The following LSM2 variants were observed in gnomAD, a reference collection of about 807,000 sequenced individuals.
LSM2 encodes the protein LSM2 homolog, U6 small nuclear RNA and mRNA degradation associated.
Under a neutral mutation model 17.0 loss-of-function variants are expected in LSM2, and 12 were observed. The ratio of observed to expected loss-of-function variants is 0.70; its 90% CI spans 0.45 to 1.14. The LOEUF (loss-of-function observed/expected upper bound fraction) is 1.14. Ranked by LOEUF, LSM2 falls within the 50% of genes most tolerant of loss-of-function variation. The pLI is 0.00. For missense variants in LSM2, 62 were observed against 111.8 expected, an observed-to-expected ratio of 0.55 and a Z score of 2.01; for synonymous variants, 42 against 44.5, an observed-to-expected ratio of 0.94 and a Z score of 0.22.
At chr6:31,804,218 G>A (rs1218712385) in intron 2 of LSM2, among the ~76,000 whole-genome samples, 6 of 151,910 alleles carry the variant, frequency 3.9e-5, no homozygotes, top group Non-Finnish European at 8.8e-5. Context: ...AAATTTAGCC[G>A]GGCATGGTGG....
At chr6:31,806,729 C>T (rs1345179447) in intron 1 of LSM2, 26 bp downstream of exon 1, 3 of 1,609,112 alleles carry the variant, frequency 1.9e-6, no homozygotes, top group Non-Finnish European at 2.5e-6. Flanking sequence ...CCCGAGGGCG[C>T]CCCCTTTTGA....
chr6:31,806,526 C>G (rs1815047566), intron 1 of LSM2: 1 of 668,128 alleles, frequency 1.5e-6, no homozygotes. Context: ...TTCCGTCTCC[C>G]GCTATCCTCA....
At chr6:31,801,734 T>G (rs1464781540) in intron 2 of LSM2, among the ~76,000 whole-genome samples, 1 of 152,100 alleles carries the variant, frequency 6.6e-6, no homozygotes, top group African/African-American at 2.4e-5. Flanking sequence ...AGGCAGAGGT[T>G]GCAGTGAGCC....
At chr6:31,799,944 A>C (rs918390266) in intron 2 of LSM2, among the ~76,000 whole-genome samples, 7 of 152,214 alleles carry the variant, frequency 4.6e-5, no homozygotes, top group Non-Finnish European at 1.0e-4. Flanking sequence ...CTATAATCCA[A>C]GCATTCTGGG....
intron 2 of LSM2, among the ~76,000 whole-genome samples, chr6:31,799,414 T>A (rs1814569665): frequency 6.6e-6 from 1 of 152,064 alleles, no homozygotes; most frequent in African/African-American, 2.4e-5. Flanking sequence ...TGGAGTGCAG[T>A]GGCACAATCT....
Position 31,798,521 on chromosome 6 carries a change from A to G in LSM2, c.72-14T>C, listed in dbSNP as rs767848738. On this transcript the variant is annotated splice_polypyrimidine_tract_variant and intron_variant, in intron 2 of 4. Transcript: ENST00000375661. ...GTTCCACAGATGCTGTCAAGGGCAG[A>G]GGGAGAGAAGAATCAAATTAGTTTA... is the stretch of plus-strand genomic sequence containing the variant. 1 of 1,612,696 alleles carries G rather than the reference A, an allele frequency of 6.2e-7. No homozygotes were observed. Among genetic ancestry groups the G allele is most frequent in the Non-Finnish European group, 8.5e-7 (1 of 1,179,880 alleles).
chr6:31,798,505 A>G lies in LSM2; in HGVS notation c.74T>C (p.Ile25Thr), dbSNP rs752055014. Residue 25 changes from isoleucine to threonine, a missense_variant and splice_region_variant, in exon 3 of 5, where the codon ATC becomes ACC. By Grantham distance (89) the Ile-to-Thr change is moderately conservative. Coordinates refer to ENST00000375661, the MANE Select transcript of LSM2 (RefSeq NM_021177.5). ...ATCCACAGAATGGAGGGTTCCACAG[A>G]TGCTGTCAAGGGCAGAGGGAGAGAA... ...VVVELKNDLSICGTLHSVDQY... is the reference protein window; with the variant it reads ...VVVELKNDLSTCGTLHSVDQY... 1.9e-6 allele frequency: 3 copies of G among 1,612,926 alleles called. No individual in the cohort carries two copies. Among genetic ancestry groups the G allele is most frequent in the Non-Finnish European group, 2.5e-6 (3 of 1,179,976 alleles).
At chr6:31,806,404 G>A (rs2151454254) in intron 1 of LSM2, 1 of 601,078 alleles carries the variant, frequency 1.7e-6, no homozygotes, top group Admixed American at 3.0e-5. Flanking sequence ...TGCTCTCTCA[G>A]TCGACCACCT....
At chr6:31,798,219 T>C (rs1814501571) in intron 3 of LSM2, among the ~76,000 whole-genome samples, 170 bp from the exon 4 acceptor site, 1 of 152,040 alleles carries the variant, frequency 6.6e-6, no homozygotes, top group Non-Finnish European at 1.5e-5. Context: ...CTAGCTGGGA[T>C]TACAGGTGCC....
intron 2 of LSM2, 49 bp from the exon 3 acceptor site, chr6:31,798,556 C>T (rs755074100): frequency 5.6e-6 from 9 of 1,605,660 alleles, no homozygotes; most frequent in Non-Finnish European, 7.7e-6. Context: ...ATAACAAAGT[C>T]AACATAGAGG....
intron 2 of LSM2, among the ~76,000 whole-genome samples, chr6:31,805,663 G>A (rs765003725): frequency 2.0e-5 from 3 of 151,644 alleles, no homozygotes; most frequent in Admixed American, 1.3e-4. Flanking sequence ...CGTCCAGCCC[G>A]TGAGCCACTG....
chr6:31,801,385 A>G (rs1814692393), intron 2 of LSM2, among the ~76,000 whole-genome samples: 1 of 152,102 alleles, frequency 6.6e-6, no homozygotes, highest in Non-Finnish European at 1.5e-5. Context: ...ACAGCACCCC[A>G]CCATCTCCAG....
At chr6:31,799,996 G>A (rs1814603712) in intron 2 of LSM2, among the ~76,000 whole-genome samples, 1 of 152,160 alleles carries the variant, frequency 6.6e-6, no homozygotes, top group Non-Finnish European at 1.5e-5. Context: ...CTGGAGAACA[G>A]CCCAGACAAC....
At chr6:31,800,963 G>A (rs1814662496) in intron 2 of LSM2, among the ~76,000 whole-genome samples, 1 of 151,148 alleles carries the variant, frequency 6.6e-6, no homozygotes, top group Non-Finnish European at 1.5e-5. Context: ...GGTGAGGCAC[G>A]AGAATCACTT....
At chr6:31,805,972 A>T in intron 2 of LSM2, 103 bp downstream of exon 2, 1 of 1,000,822 alleles carries the variant, frequency 1.0e-6, no homozygotes, top group Non-Finnish European at 1.5e-6. Flanking sequence ...TTTCTTCTGT[A>T]CATCTTCCAC....
At chr6:31,800,747 C>G (rs984073048) in intron 2 of LSM2, among the ~76,000 whole-genome samples, 4 of 152,030 alleles carry the variant, frequency 2.6e-5, no homozygotes, top group Non-Finnish European at 4.4e-5. Context: ...ATTAGCCGGG[C>G]ATGGTGGCGG....
intron 2 of LSM2, among the ~76,000 whole-genome samples, chr6:31,800,516 G>A (rs1814632088): frequency 1.3e-5 from 2 of 152,102 alleles, no homozygotes; most frequent in South Asian, 2.1e-4. Context: ...ACTTTAGGAG[G>A]CCAAGGTGGG....
At position 31,806,470 on chromosome 6, in the gene LSM2, C is replaced by T. The variant is rs1257708680; in HGVS notation, c.3+285G>A. ...AATTGTAGAAAATATCCCACCCGCA[C>T]CCTGCCGAAGCTTGCCTGGCAGAGA... On this transcript the variant is annotated intron_variant, in intron 1 of 4. Transcript: ENST00000375661. 9.9e-6 allele frequency: 6 copies of T among 607,894 alleles called. No homozygotes were observed. In the African/African-American group the frequency reaches 1.1e-4, roughly 11 times the overall value. 37.7% of individuals were successfully genotyped at this position (607,894 alleles called of 1,614,324 possible).
intron 2 of LSM2, among the ~76,000 whole-genome samples, chr6:31,803,583 C>CTT (rs777600870): frequency 1.4e-5 from 2 of 142,184 alleles, no homozygotes. Flanking sequence ...TTTAAATGTA[C>CTT]TTTTTTTTTT....
Sources: allele counts gnomAD v4.1 joint callset (sites outside exome capture counted in the v4.1 genomes callset), GRCh38; gene constraint gnomAD v4.1.1; transcripts MANE v1.5; gene names NCBI Gene and HGNC (gene_info 2026-07-23, HGNC 2026-07-21).